Variants in STEAP3 observed in about 807,000 individuals in gnomAD.
STEAP3 encodes the protein STEAP3 metalloreductase.
Under a neutral mutation model 34.9 loss-of-function variants are expected in STEAP3, and 35 were observed. That is an observed-to-expected ratio of 1.00 (90% CI 0.76 to 1.33). The LOEUF is 1.33. Ranked by LOEUF, STEAP3 falls within the 40% of genes most tolerant of loss-of-function variation. The pLI, the probability that STEAP3 is intolerant of heterozygous loss-of-function variation, is 0.00. For missense variants in STEAP3, 652 were observed against 667.6 expected (o/e 0.98, Z 0.26); for synonymous variants, 281 against 301.6 (o/e 0.93, Z 0.71).
At chr2:119,236,737 G>A (rs1677104793) in intron 2 of STEAP3, among the ~76,000 whole-genome samples, 1 of 152,162 alleles carries the variant, frequency 6.6e-6, no homozygotes, top group South Asian at 2.1e-4. Context: ...CAGCCATGTG[G>A]GTGAGCAGCA....
intron 5 of STEAP3, among the ~76,000 whole-genome samples, chr2:119,257,990 A>G: frequency 6.6e-6 from 1 of 152,244 alleles, no homozygotes; most frequent in East Asian, 1.9e-4. Flanking sequence ...GCTACTCCAT[A>G]GTCAGAGCAG....
At chr2:119,255,746 T>A (rs1317725330) in intron 5 of STEAP3, among the ~76,000 whole-genome samples, 3 of 147,776 alleles carry the variant, frequency 2.0e-5, no homozygotes, top group Non-Finnish European at 3.0e-5. Flanking sequence ...CCTTGCCTCT[T>A]AAAAAAAAAA....
At chr2:119,255,622 A>T (rs1298376319) in intron 5 of STEAP3, among the ~76,000 whole-genome samples, 1 of 152,016 alleles carries the variant, frequency 6.6e-6, no homozygotes, top group Admixed American at 6.5e-5. Context: ...GCGCTGTGGC[A>T]TGTGGCTGGG....
At position 119,248,138 on chromosome 2, in the gene STEAP3, C is replaced by T; in HGVS notation, c.982C>T (p.Leu328Phe). The T allele has an allele frequency of 1.9e-6, 3 of 1,608,302 alleles. No homozygotes were observed. The highest frequency in any genetic ancestry group is 3.3e-4 in the Middle Eastern group (2 of 6,060). Residue 328 changes from leucine to phenylalanine, a missense_variant, in exon 4 of 6, where the codon CTC becomes TTC. Physicochemically the swap from Leu to Phe is conservative, Grantham distance 22. Coordinates refer to ENST00000393110, the MANE Select transcript of STEAP3 (RefSeq NM_182915.3). Reference protein sequence around the residue: ...LSFFCAALHALYSFCLPLRRA... With the variant: ...LSFFCAALHAFYSFCLPLRRA... ...CTTCTTCTGCGCCGCCCTGCACGCC[C>T]TCTACAGCTTCTGCTTGCCGCTGCG...
At chr2:119,252,890 C>T (rs1275734875) in intron 4 of STEAP3, among the ~76,000 whole-genome samples, 5 of 152,200 alleles carry the variant, frequency 3.3e-5, no homozygotes, top group Admixed American at 3.3e-4. Flanking sequence ...ATGTGGTATA[C>T]GTGTGTGTAA....
Position 119,263,887 on chromosome 2 carries a change from C to CAGG in STEAP3, c.*553_*555dup, listed in dbSNP as rs1678027300. 5.5e-6 allele frequency: 1 copy of CAGG among 182,664 alleles called. No homozygotes were observed. Among genetic ancestry groups the CAGG allele is most frequent in the Non-Finnish European group, 1.2e-5 (1 of 86,162 alleles). 11.3% of individuals were successfully genotyped at this position (182,664 alleles called of 1,614,324 possible). A position where few individuals can be genotyped will look rare whatever the true frequency, so the allele number is the denominator to read the frequency against. Reference sequence around the variant, plus strand: ...CTCTTCCCTCCACCTGGGGCAGCAGCAGGAGGCCTGGGGAGGAGGAAAATC... The same window carrying CAGG: ...CTCTTCCCTCCACCTGGGGCAGCAGCAGGAGGAGGCCTGGGGAGGAGGAAAATC... On this transcript the variant is annotated 3_prime_UTR_variant, in exon 6 of 6. Transcript: ENST00000393110.
intron 2 of STEAP3, 41 bp from the exon 3 acceptor site, chr2:119,245,448 C>T (rs1462310511): frequency 1.6e-5 from 24 of 1,542,806 alleles, no homozygotes; most frequent in Non-Finnish European, 2.1e-5. Flanking sequence ...AGGGGCAGTC[C>T]AGGAGCCCTC....
intron 2 of STEAP3, chr2:119,244,302 G>T (rs1055183932): frequency 2.1e-4 from 31 of 146,330 alleles, no homozygotes; most frequent in African/African-American, 7.7e-4. Flanking sequence ...GGAGTTCAGT[G>T]GTGCGATCAC....
Position 119,231,042 on chromosome 2 carries a change from T to C in STEAP3, c.22+8T>C. On this transcript the variant is annotated splice_region_variant and intron_variant, in intron 2 of 5. Transcript: ENST00000393110. ...CGCACCAGCCTGCTGTTGGTAAGTC[T>C]GGCTAGGACGCAGATCCAAGGGGGC... 3 of 1,614,172 alleles carry C rather than the reference T, an allele frequency of 1.9e-6. No individual in the cohort carries two copies. Among genetic ancestry groups the C allele is most frequent in the Middle Eastern group, 1.6e-4 (1 of 6,062 alleles).
intron 1 of STEAP3, among the ~76,000 whole-genome samples, chr2:119,227,880 A>C (rs545631406): frequency 1.6e-4 from 25 of 151,626 alleles, no homozygotes; most frequent in African/African-American, 5.8e-4. Context: ...CCTAGGTTGG[A>C]GTGCAGTGGT....
intron 5 of STEAP3, chr2:119,257,759 C>T: frequency 7.3e-7 from 1 of 1,361,598 alleles, no homozygotes; most frequent in South Asian, 1.9e-5. Context: ...TCACCCTCCC[C>T]TACACACATG....
chr2:119,262,788 T>A (rs915100312), intron 5 of STEAP3, among the ~76,000 whole-genome samples: 1 of 152,222 alleles, frequency 6.6e-6, no homozygotes, highest in African/African-American at 2.4e-5. Context: ...ATAGTTATTG[T>A]ATGGAATCCG....
chr2:119,257,116 G>A (rs1005539694), intron 5 of STEAP3, among the ~76,000 whole-genome samples: 1 of 152,164 alleles, frequency 6.6e-6, no homozygotes, highest in Non-Finnish European at 1.5e-5. Flanking sequence ...AGTGGGTCAT[G>A]CAATTGATTC....
intron 4 of STEAP3, 136 bp from the exon 5 acceptor site, chr2:119,254,548 G>T (rs1224515641): frequency 5.4e-6 from 5 of 932,372 alleles, no homozygotes; most frequent in Admixed American, 2.1e-5. Flanking sequence ...CCTGAGAAAC[G>T]CTTATCACAG....
At position 119,265,208 on chromosome 2, in the gene STEAP3, G is replaced by C. The variant is rs1678074270; in HGVS notation, c.*1870G>C. The C allele has an allele frequency of 6.6e-6, 1 of 152,348 alleles. No individual in the cohort carries two copies. The highest frequency in any genetic ancestry group is 2.4e-5 in the African/African-American group (1 of 41,464). 9.4% of individuals were successfully genotyped at this position (152,348 alleles called of 1,614,324 possible). A position where few individuals can be genotyped will look rare whatever the true frequency, so the allele number is the denominator to read the frequency against. ...GGTACTGGCTGCCTGCCCTGGGCCA[G>C]GGAATGGCTCCTTATACCAAAGATG... On this transcript the variant is annotated 3_prime_UTR_variant, in exon 6 of 6. Transcript: ENST00000393110.
chr2:119,263,513 A>ATG lies in STEAP3; in HGVS notation c.*179_*180dup. 1.3e-6 allele frequency: 1 copy of ATG among 776,040 alleles called. No homozygotes were observed. The highest frequency in any genetic ancestry group is 2.2e-6 in the Non-Finnish European group (1 of 464,108). The allele number at this position is 776,040 out of a possible 1,614,324, so 48.1% of individuals were successfully genotyped here. On this transcript the variant is annotated 3_prime_UTR_variant, in exon 6 of 6. Coordinates refer to ENST00000393110, the MANE Select transcript of STEAP3 (RefSeq NM_182915.3). The stretch of plus-strand genomic sequence containing the variant: ...ACTATTCAGAATGATATACACACAT[A>ATG]TGTGTATATGTATTTACATATATTC...
At chr2:119,226,778 CA>C (rs1449695497) in intron 1 of STEAP3, among the ~76,000 whole-genome samples, 5 of 152,172 alleles carry the variant, frequency 3.3e-5, no homozygotes, top group Admixed American at 2.0e-4. Context: ...CAGTCCTCAT[CA>C]CTGACATTCA....
chr2:119,240,727 T>C (rs2104809366), intron 2 of STEAP3, among the ~76,000 whole-genome samples: 1 of 152,232 alleles, frequency 6.6e-6, no homozygotes, highest in South Asian at 2.1e-4. Context: ...GTCCACAGCT[T>C]GGGAGGAGAG....
At chr2:119,245,409 AC>A in intron 2 of STEAP3, 79 bp from the exon 3 acceptor site, 1 of 1,510,860 alleles carries the variant, frequency 6.6e-7, no homozygotes, top group South Asian at 1.3e-5. Context: ...CCGTGTAGTT[AC>A]GATGTATAAG....
Sources: allele counts gnomAD v4.1 joint callset (sites outside exome capture counted in the v4.1 genomes callset), GRCh38; gene constraint gnomAD v4.1.1; transcripts MANE v1.5; gene names NCBI Gene and HGNC (gene_info 2026-07-23, HGNC 2026-07-21).